The following DACH1 variants were observed in gnomAD, a reference collection of about 807,000 sequenced individuals.
The protein encoded by DACH1 is dachshund family transcription factor 1.
Under a neutral mutation model 54.2 loss-of-function variants are expected in DACH1, and 12 were observed. The ratio of observed to expected loss-of-function variants is 0.22; its 90% confidence interval spans 0.14 to 0.36. DACH1 has a LOEUF of 0.36. Among genes scored for constraint, DACH1 ranks in the 10% least tolerant of loss-of-function variants. The probability of loss-of-function intolerance (pLI) is 1.00; values close to 1 mark genes in which losing one functional copy is unlikely to be tolerated. For synonymous variants in DACH1, 386 were observed against 366.2 expected, an observed-to-expected ratio of 1.05 and a Z score of -0.62; for missense variants, 805 against 929.8, an observed-to-expected ratio of 0.87 and a Z score of 1.75.
intron 4 of DACH1, among the ~76,000 whole-genome samples, chr13:71,565,806 C>G (rs1884861538): frequency 6.6e-6 from 1 of 152,174 alleles, no homozygotes; most frequent in Non-Finnish European, 1.5e-5. Flanking sequence ...TCTTTTTGAA[C>G]TTACTCATTG....
chr13:71,701,095 T>C (rs1882116779), intron 1 of DACH1, among the ~76,000 whole-genome samples: 1 of 152,222 alleles, frequency 6.6e-6, no homozygotes, highest in African/African-American at 2.4e-5. Context: ...ATAATTTGCA[T>C]GCATACATCA....
At chr13:71,857,458 T>TTG (rs1215685945) in intron 1 of DACH1, among the ~76,000 whole-genome samples, 9 of 150,904 alleles carry the variant, frequency 6.0e-5, no homozygotes, top group Admixed American at 2.6e-4. Flanking sequence ...TATGTTATGT[T>TTG]TGCGTGTGTG....
At chr13:71,816,891 C>T (rs1399275954) in intron 1 of DACH1, among the ~76,000 whole-genome samples, 3 of 151,864 alleles carry the variant, frequency 2.0e-5, no homozygotes, top group Non-Finnish European at 4.4e-5. Flanking sequence ...AGGGAAACAA[C>T]ACACTCAGGT....
chr13:71,788,593 C>A (rs972733909), intron 1 of DACH1, among the ~76,000 whole-genome samples: 1 of 152,004 alleles, frequency 6.6e-6, no homozygotes, highest in Non-Finnish European at 1.5e-5. Context: ...TACCCCCCCA[C>A]ACACACACCT....
At chr13:71,659,874 T>C (rs1014213082) in intron 2 of DACH1, among the ~76,000 whole-genome samples, 4 of 152,156 alleles carry the variant, frequency 2.6e-5, no homozygotes, top group East Asian at 1.9e-4. Flanking sequence ...TTTTACAGCA[T>C]TAGTTTTTAG....
chr13:71,627,917 A>T (rs997580214), intron 3 of DACH1, among the ~76,000 whole-genome samples: 1 of 152,072 alleles, frequency 6.6e-6, no homozygotes, highest in Admixed American at 6.6e-5. Context: ...TTCCAGGAGG[A>T]CAGATTTGAA....
At chr13:71,469,288 T>C (rs1458778909) in intron 10 of DACH1, among the ~76,000 whole-genome samples, 2 of 152,020 alleles carry the variant, frequency 1.3e-5, no homozygotes, top group African/African-American at 4.8e-5. Context: ...TTACTATTAA[T>C]ATACCTGTCT....
chr13:71,455,498 CATG>C (rs375646265), intron 10 of DACH1, among the ~76,000 whole-genome samples: 1 of 152,178 alleles, frequency 6.6e-6, no homozygotes, highest in African/African-American at 2.4e-5. Flanking sequence ...AATATTATTT[CATG>C]ATATCTGGTG....
At chr13:71,714,597 A>G (rs988748357) in intron 1 of DACH1, among the ~76,000 whole-genome samples, 2 of 152,078 alleles carry the variant, frequency 1.3e-5, no homozygotes, top group Admixed American at 1.3e-4. Context: ...AAAAAATAAA[A>G]GACATCTGTG....
At chr13:71,828,043 G>C (rs764251258) in intron 1 of DACH1, among the ~76,000 whole-genome samples, 2 of 152,018 alleles carry the variant, frequency 1.3e-5, no homozygotes, top group Non-Finnish European at 1.5e-5. Context: ...TCCTGCACCA[G>C]AGCTATGTAA....
At chr13:71,748,948 CTT>C (rs1566477145) in intron 1 of DACH1, among the ~76,000 whole-genome samples, 5 of 42,106 alleles carry the variant, frequency 1.2e-4, no homozygotes, top group Non-Finnish European at 3.0e-4. Context: ...TTCTTTCTTT[CTT>C]TCTCTCTTTC....
chr13:71,709,498 C>A (rs975485122), intron 1 of DACH1, among the ~76,000 whole-genome samples: 1 of 151,440 alleles, frequency 6.6e-6, no homozygotes, highest in Non-Finnish European at 1.5e-5. Context: ...TGTATACCCA[C>A]TCTTTAGTCA....
intron 9 of DACH1, 74 bp from the exon 10 acceptor site, chr13:71,475,283 C>G (rs1278705004): frequency 9.8e-6 from 12 of 1,226,254 alleles, no homozygotes; most frequent in East Asian, 2.3e-5. Context: ...AAAGAGCAAC[C>G]TGTTACTTTG....
chr13:71,715,958 G>A (rs1424334051), intron 1 of DACH1, among the ~76,000 whole-genome samples: 2 of 151,982 alleles, frequency 1.3e-5, no homozygotes, highest in African/African-American at 2.4e-5. Flanking sequence ...TTCTAGAGGT[G>A]TAAGTGATAT....
At chr13:71,582,765 C>G (rs112750559) in intron 3 of DACH1, among the ~76,000 whole-genome samples, 8,456 of 152,170 alleles carry the variant, frequency 0.056, 777 homozygotes, top group African/African-American at 0.19. Context: ...ATAGTAAAGA[C>G]ATTCTATTCG....
At chr13:71,614,316 A>G (rs1875586128) in intron 3 of DACH1, among the ~76,000 whole-genome samples, 1 of 152,170 alleles carries the variant, frequency 6.6e-6, no homozygotes, top group African/African-American at 2.4e-5. Flanking sequence ...ATACACATTA[A>G]TCCAATAAAT....
At chr13:71,567,692 T>C (rs923623769) in intron 4 of DACH1, among the ~76,000 whole-genome samples, 4 of 152,012 alleles carry the variant, frequency 2.6e-5, no homozygotes, top group Admixed American at 6.6e-5. Context: ...TTACATAAAA[T>C]ACAAATATAT....
chr13:71,693,235 A>G (rs1333793540), intron 1 of DACH1, among the ~76,000 whole-genome samples: 2 of 151,564 alleles, frequency 1.3e-5, no homozygotes, highest in Admixed American at 1.3e-4. Flanking sequence ...GTAAGTCCAC[A>G]TACACACACA....
At chr13:71,597,955 A>C (rs935315737) in intron 3 of DACH1, among the ~76,000 whole-genome samples, 1 of 151,688 alleles carries the variant, frequency 6.6e-6, no homozygotes, top group African/African-American at 2.4e-5. Flanking sequence ...CATTTCTACC[A>C]AAAAGGAAAA....
Sources: allele counts gnomAD v4.1 joint callset (sites outside exome capture counted in the v4.1 genomes callset), GRCh38; gene constraint gnomAD v4.1.1; transcripts MANE v1.5; gene names NCBI Gene and HGNC (gene_info 2026-07-23, HGNC 2026-07-21).